The following WWOX variants were observed in gnomAD, a reference collection of about 807,000 sequenced individuals.
The protein encoded by WWOX is WW domain-containing oxidoreductase.
A neutral mutation model predicts 46.2 loss-of-function variants in WWOX; 69 were observed. The ratio of observed to expected loss-of-function variants is 1.49; its 90% CI spans 1.23 to 1.82. WWOX has a LOEUF of 1.82. Ranked by LOEUF, WWOX falls within the 40% of genes most tolerant of loss-of-function variation. The probability of loss-of-function intolerance (pLI) is 0.00; values close to 1 mark genes in which losing one functional copy is unlikely to be tolerated. For missense variants in WWOX, 919 were observed against 542.6 expected, an observed-to-expected ratio of 1.69 and a Z score of -6.89; for synonymous variants, 359 against 202.6, an observed-to-expected ratio of 1.77 and a Z score of -6.56.
chr16:78,463,839 A>G (rs1267842197), intron 8 of WWOX, among the ~76,000 whole-genome samples: 1 of 152,186 alleles, frequency 6.6e-6, no homozygotes, highest in Non-Finnish European at 1.5e-5. Context: ...TTTGCAAATG[A>G]TCACCTGGTA....
At chr16:78,815,184 G>A (rs375743561) in intron 8 of WWOX, among the ~76,000 whole-genome samples, 2 of 152,216 alleles carry the variant, frequency 1.3e-5, no homozygotes, top group South Asian at 2.1e-4. Context: ...AATTAACCAG[G>A]CATGGTGGCA....
At chr16:78,499,468 A>G (rs566909185) in intron 8 of WWOX, among the ~76,000 whole-genome samples, 16 of 152,346 alleles carry the variant, frequency 1.1e-4, no homozygotes, top group African/African-American at 3.4e-4. Flanking sequence ...CTAAGTGGTC[A>G]GGTGGGACTC....
At chr16:78,488,221 G>A (rs1420613928) in intron 8 of WWOX, among the ~76,000 whole-genome samples, 1 of 152,132 alleles carries the variant, frequency 6.6e-6, no homozygotes, top group African/African-American at 2.4e-5. Context: ...TCTTTATCCT[G>A]GTACGCTGGA....
At chr16:78,337,945 T>C (rs1012037898) in intron 5 of WWOX, among the ~76,000 whole-genome samples, 2 of 120,514 alleles carry the variant, frequency 1.7e-5, no homozygotes, top group African/African-American at 5.6e-5. Flanking sequence ...TGCTGGGGTC[T>C]TCATCAGTAA....
At chr16:78,118,274 A>G (rs892779657) in intron 4 of WWOX, among the ~76,000 whole-genome samples, 5 of 151,990 alleles carry the variant, frequency 3.3e-5, no homozygotes, top group Non-Finnish European at 5.9e-5. Context: ...TGATATTACT[A>G]AGGCAATTGG....
intron 8 of WWOX, among the ~76,000 whole-genome samples, chr16:78,663,407 T>C (rs1367515452): frequency 6.6e-6 from 1 of 152,206 alleles, no homozygotes; most frequent in Non-Finnish European, 1.5e-5. Flanking sequence ...TATATTATAC[T>C]TTGTTTATCC....
At chr16:78,824,353 C>T (rs1469206911) in intron 8 of WWOX, among the ~76,000 whole-genome samples, 1 of 152,096 alleles carries the variant, frequency 6.6e-6, no homozygotes, top group Non-Finnish European at 1.5e-5. Context: ...AGTCCAAGCT[C>T]CTCCCAAAGG....
chr16:79,068,912 G>C (rs1326604270), intron 8 of WWOX, among the ~76,000 whole-genome samples: 8 of 151,870 alleles, frequency 5.3e-5, no homozygotes, highest in Non-Finnish European at 1.0e-4. Context: ...GTGGTTCCTT[G>C]GGTCTGATGC....
chr16:78,227,647 C>T (rs1000837405), intron 5 of WWOX, among the ~76,000 whole-genome samples: 24 of 152,070 alleles, frequency 1.6e-4, no homozygotes, highest in Admixed American at 1.1e-3. Flanking sequence ...GAGGCCTAGG[C>T]GGGTGGATCA....
chr16:78,287,966 T>C (rs79154268), intron 5 of WWOX, among the ~76,000 whole-genome samples: 15,744 of 152,202 alleles, frequency 0.1, 1,090 homozygotes, highest in East Asian at 0.26. Flanking sequence ...CAAAACAGAT[T>C]TTTAGAGTGA....
At position 78,690,875 on chromosome 16, in the gene WWOX, C is replaced by T. The variant is rs1006975900; in HGVS notation, c.1056+258123C>T. ...ATGGCTTGATGTTGTCTCTTAGCACCGTATCAATACCTGGGGGTTTTCAAA... is the reference window on the plus strand; with the variant it reads ...ATGGCTTGATGTTGTCTCTTAGCACTGTATCAATACCTGGGGGTTTTCAAA... On this transcript the variant is annotated intron_variant, in intron 8 of 8. Coordinates refer to ENST00000566780, the MANE Select transcript of WWOX (RefSeq NM_016373.4). Among the ~76,000 whole-genome samples the T allele has an allele frequency of 1.1e-4, 17 of 152,236 alleles. No homozygotes were observed. In the East Asian group the frequency reaches 1.9e-3, roughly 17 times the overall value.
At chr16:78,650,471 C>A (rs1328585973) in intron 8 of WWOX, among the ~76,000 whole-genome samples, 2 of 152,196 alleles carry the variant, frequency 1.3e-5, no homozygotes, top group Admixed American at 6.5e-5. Context: ...TGACATCAGC[C>A]TGCCCATGCA....
chr16:78,870,024 T>C (rs1280600534), intron 8 of WWOX, among the ~76,000 whole-genome samples: 1 of 152,216 alleles, frequency 6.6e-6, no homozygotes, highest in Non-Finnish European at 1.5e-5. Flanking sequence ...TGTCTTCCAG[T>C]CCTCCAGGGG....
chr16:78,687,065 A>G (rs1274107341), intron 8 of WWOX, among the ~76,000 whole-genome samples: 3 of 149,372 alleles, frequency 2.0e-5, no homozygotes, highest in Admixed American at 6.9e-5. Flanking sequence ...GTTTATTTTC[A>G]TCTTTATTTT....
At chr16:78,411,364 G>A (rs1052953956) in intron 6 of WWOX, among the ~76,000 whole-genome samples, 5 of 152,098 alleles carry the variant, frequency 3.3e-5, no homozygotes, top group African/African-American at 1.2e-4. Context: ...GCTAATCAAC[G>A]TGTTGATTAG....
At chr16:78,696,145 A>T (rs1311959488) in intron 8 of WWOX, among the ~76,000 whole-genome samples, 1 of 152,168 alleles carries the variant, frequency 6.6e-6, no homozygotes, top group East Asian at 1.9e-4. Context: ...GGAATCAGAA[A>T]TACGGTGTCC....
chr16:78,956,860 C>T (rs1327283014), intron 8 of WWOX, among the ~76,000 whole-genome samples: 1 of 152,152 alleles, frequency 6.6e-6, no homozygotes, highest in Non-Finnish European at 1.5e-5. Flanking sequence ...AGGAGAGTGT[C>T]TCAAACATGT....
chr16:78,523,223 C>T (rs184921020), intron 8 of WWOX, among the ~76,000 whole-genome samples: 8 of 152,260 alleles, frequency 5.3e-5, no homozygotes, highest in Admixed American at 3.9e-4. Flanking sequence ...TTTAAAGGCA[C>T]GTATCTAAAC....
At chr16:78,420,282 A>G (rs1204256264) in intron 6 of WWOX, among the ~76,000 whole-genome samples, 3 of 152,206 alleles carry the variant, frequency 2.0e-5, no homozygotes, top group African/African-American at 2.4e-5. Context: ...TTGAAGAGAA[A>G]TGAAAACATG....
Sources: gnomAD v4.1 joint callset for allele counts (sites outside exome capture counted in the v4.1 genomes callset) on GRCh38, gnomAD v4.1.1 for gene constraint, MANE v1.5 for transcripts, NCBI Gene and HGNC (gene_info 2026-07-23, HGNC 2026-07-21) for gene names.